Variants in PXK observed in about 807,000 individuals in gnomAD.
PXK encodes PX domain-containing protein kinase-like protein.
In PXK, 35 loss-of-function variants were observed where a neutral mutation model predicts 84.7. That is an observed-to-expected ratio of 0.41 (90% CI 0.32 to 0.55). PXK has a LOEUF of 0.55. PXK is among the 20% of genes least tolerant of loss of function. The pLI is 0.21. For synonymous variants in PXK, 253 were observed against 260.8 expected (o/e 0.97, Z 0.29); for missense variants, 634 against 699.7 (o/e 0.91, Z 1.06).
intron 4 of PXK, among the ~76,000 whole-genome samples, chr3:58,388,064 A>G (rs1029350927): frequency 2.6e-5 from 4 of 152,222 alleles, no homozygotes; most frequent in African/African-American, 9.6e-5. Context: ...CTTCTAAGCA[A>G]AGGAGTAGAT....
chr3:58,354,817 T>C (rs1402867564), intron 1 of PXK, among the ~76,000 whole-genome samples: 1 of 152,004 alleles, frequency 6.6e-6, no homozygotes, highest in African/African-American at 2.4e-5. Context: ...CTGAGGAACA[T>C]TTAAGACCTG....
intron 3 of PXK, among the ~76,000 whole-genome samples, chr3:58,377,217 C>T (rs999619981): frequency 1.3e-5 from 2 of 151,590 alleles, no homozygotes; most frequent in Non-Finnish European, 2.9e-5. Context: ...TAGAATTATC[C>T]GCCAACCTTT....
rs186081144 is a variant in PXK at position 58,344,165 on chromosome 3, C to T, written c.102+11075C>T. Among the ~76,000 whole-genome samples, 18 of 152,270 alleles carry T rather than the reference C, an allele frequency of 1.2e-4. No individual in the cohort carries two copies. In the East Asian group the frequency reaches 2.9e-3, roughly 24 times the overall value. ...TGTTAGGACTGCTGTAAGGATTAAC[C>T]GAGCTCATCCACATGGAGTATTCAG... On this transcript the variant is annotated intron_variant, in intron 1 of 17. Coordinates refer to ENST00000356151, the MANE Select transcript of PXK (RefSeq NM_017771.5).
chr3:58,382,125 G>A (rs62258082), intron 3 of PXK, among the ~76,000 whole-genome samples: 6,502 of 152,216 alleles, frequency 0.043, 221 homozygotes, highest in Non-Finnish European at 0.063. Context: ...AGATCAGCCT[G>A]GCCAACATGG....
chr3:58,415,472 G>A (rs2060815082), intron 17 of PXK, among the ~76,000 whole-genome samples: 2 of 152,236 alleles, frequency 1.3e-5, no homozygotes, highest in African/African-American at 4.8e-5. Flanking sequence ...AGATGCATAG[G>A]GCAAGGTGTG....
rs2098262980 is a variant in PXK, at chr3:58,365,901, A to G, written c.130A>G (p.Ile44Val). The change falls in exon 2 of 18, where the codon ATT (isoleucine) becomes GTT (valine). Residue 44 changes from isoleucine to valine, a missense_variant. Physicochemically the swap from Ile to Val is conservative, Grantham distance 29 (BLOSUM62 3). Around this residue, in one of 3 missense-constraint regions of PXK, gnomAD observed 353 missense variants for 385.2 expected, o/e 0.92. Transcript: ENST00000356151. Reference sequence around the variant, plus strand: ...ATATATTATTCGAGTGCAAAGAGGAATTTCTGTGGAAAACAGCTGGCAGGT... The same window carrying G: ...ATATATTATTCGAGTGCAAAGAGGAGTTTCTGTGGAAAACAGCTGGCAGGT... Reference protein sequence around the residue: ...TEYIIRVQRGISVENSWQIVR... With the variant: ...TEYIIRVQRGVSVENSWQIVR... 2.5e-6 allele frequency: 4 copies of G among 1,573,902 alleles called. No homozygotes were observed. The highest frequency in any genetic ancestry group is 3.4e-6 in the Non-Finnish European group (4 of 1,164,298).
rs1411892641 is a variant in PXK at position 58,369,435 on chromosome 3, T to G, written c.158T>G (p.Val53Gly). The G allele has an allele frequency of 6.2e-7, 1 of 1,608,886 alleles. No individual in the cohort carries two copies. The highest frequency in any genetic ancestry group is 8.5e-7 in the Non-Finnish European group (1 of 1,175,420). The change falls in exon 3 of 18, where the codon GTT becomes GGT. Residue 53 changes from valine to glycine, a missense_variant. By Grantham distance (109) the Val-to-Gly change is moderately radical (BLOSUM62 -3). Coordinates refer to ENST00000356151, the MANE Select transcript of PXK (RefSeq NM_017771.5). ...ACTACTTCTTGTCTCTTACAGATTG[T>G]TAGAAGATACAGTGACTTTGATTTG... ...GISVENSWQIVRRYSDFDLLN... is the reference protein window; with the variant it reads ...GISVENSWQIGRRYSDFDLLN...
At chr3:58,346,210 A>G (rs1272153212) in intron 1 of PXK, among the ~76,000 whole-genome samples, 2 of 152,192 alleles carry the variant, frequency 1.3e-5, no homozygotes, top group Non-Finnish European at 2.9e-5. Flanking sequence ...AGGCTAAGGA[A>G]TCTGAACAAC....
intron 3 of PXK, among the ~76,000 whole-genome samples, chr3:58,371,693 T>G (rs1379218477): frequency 6.6e-6 from 1 of 152,240 alleles, no homozygotes; most frequent in African/African-American, 2.4e-5. Flanking sequence ...GCCTTTTTAA[T>G]ATAGTGAATT....
intron 1 of PXK, among the ~76,000 whole-genome samples, chr3:58,349,291 T>C (rs561637302): frequency 1.4e-4 from 21 of 152,150 alleles, no homozygotes; most frequent in African/African-American, 4.1e-4. Context: ...ATCCATGTTA[T>C]ATTAAGTGAG....
chr3:58,422,109 G>C (rs1216138292), intron 17 of PXK: 2 of 985,326 alleles, frequency 2.0e-6, no homozygotes, highest in East Asian at 2.3e-4. Flanking sequence ...TTAGCCATGT[G>C]TTGTAGCTGA....
intron 1 of PXK, among the ~76,000 whole-genome samples, chr3:58,346,694 T>G (rs919669251): frequency 2.0e-5 from 3 of 151,992 alleles, no homozygotes; most frequent in Non-Finnish European, 4.4e-5. Flanking sequence ...AGTCTCACTC[T>G]GTCACCAAGC....
chr3:58,390,993 C>T lies in PXK; in HGVS notation c.467-154C>T, dbSNP rs1425225623. ...TGTTTCTTTTTAAGTATAGCCTTTA[C>T]TATGCCAACGTTATCAAATGGTTCT... On this transcript the variant is annotated intron_variant, in intron 5 of 17. Coordinates refer to ENST00000356151, the MANE Select transcript of PXK (RefSeq NM_017771.5). The surrounding 1 kb of genome is among the most constrained non-coding windows in gnomAD (Gnocchi z 4.2). Among the ~76,000 whole-genome samples the T allele has an allele frequency of 6.6e-6, 1 of 152,140 alleles. No homozygotes were observed. The highest frequency in any genetic ancestry group is 6.5e-5 in the Admixed American group (1 of 15,270).
At position 58,394,978 on chromosome 3, in the gene PXK, TTTC is replaced by T. The variant is rs757272924; in HGVS notation, c.616-17_616-15del. On this transcript the variant is annotated splice_polypyrimidine_tract_variant and intron_variant, in intron 7 of 17. Transcript: ENST00000356151. ...AGATCCTGACGCAAATCAATGTGAA[TTTC>T]TTTTTTGTTTTGACAGCACCCTTAC... The T allele has an allele frequency of 6.4e-7, 1 of 1,571,422 alleles. No individual in the cohort carries two copies. Among genetic ancestry groups the T allele is most frequent in the Non-Finnish European group, 8.8e-7 (1 of 1,142,048 alleles).
intron 1 of PXK, among the ~76,000 whole-genome samples, chr3:58,338,438 C>T (rs1412175429): frequency 2.0e-5 from 3 of 150,938 alleles, no homozygotes; most frequent in African/African-American, 2.4e-5. Flanking sequence ...GCCTGGCCAA[C>T]GTGGTGAAAC....
intron 1 of PXK, among the ~76,000 whole-genome samples, chr3:58,354,781 C>T (rs1245688197): frequency 2.0e-5 from 3 of 152,170 alleles, no homozygotes; most frequent in East Asian, 1.9e-4. Flanking sequence ...CAATGGTTCT[C>T]ACCCCTGGCT....
chr3:58,413,178 G>A (rs1233073058), intron 17 of PXK: 1 of 600,996 alleles, frequency 1.7e-6, no homozygotes, highest in Non-Finnish European at 2.9e-6. Context: ...ACCGGTTTCA[G>A]GGCCACTAGC....
rs927503692 is a variant in PXK, at chr3:58,401,628, A to T, written c.1182-2234A>T. Reference sequence around the variant, plus strand: ...ATGACAGAGTAAGACCCTGTCTCAAAAATAAAACAAAGTGAGGGGCAGGCG... The same window carrying T: ...ATGACAGAGTAAGACCCTGTCTCAATAATAAAACAAAGTGAGGGGCAGGCG... On this transcript the variant is annotated intron_variant, in intron 12 of 17. Transcript: ENST00000356151. This position sits in a 1 kb window ranked among gnomAD's most constrained non-coding sequence, Gnocchi z 4.4. Among the ~76,000 whole-genome samples, 7 of 151,828 alleles carry T rather than the reference A, an allele frequency of 4.6e-5. No homozygotes were observed. Among genetic ancestry groups the T allele is most frequent in the Non-Finnish European group, 7.4e-5 (5 of 67,984 alleles).
chr3:58,402,103 A>C (rs539974856), intron 12 of PXK, among the ~76,000 whole-genome samples: 3 of 152,188 alleles, frequency 2.0e-5, no homozygotes, highest in African/African-American at 7.2e-5. Flanking sequence ...AGAAAGACTC[A>C]CTTATAGCTG....
Sources: allele counts gnomAD v4.1 joint callset (sites outside exome capture counted in the v4.1 genomes callset), GRCh38; gene constraint gnomAD v4.1.1; regional missense constraint gnomAD v4.1.1; non-coding constraint Gnocchi (gnomAD v3.1); transcripts MANE v1.5; gene names NCBI Gene and HGNC (gene_info 2026-07-23, HGNC 2026-07-21).